Variants in USP46 observed in about 807,000 individuals in gnomAD.
USP46 encodes ubiquitin carboxyl-terminal hydrolase 46.
A neutral mutation model predicts 44.4 loss-of-function variants in USP46; 12 were observed. The observed-to-expected ratio is 0.27, with a 90% CI of 0.17 to 0.44. The LOEUF (loss-of-function observed/expected upper bound fraction) is 0.44, where lower values mean the gene tolerates loss of function less well. Ranked by LOEUF, USP46 falls within the 20% of genes least tolerant of loss-of-function variation. The probability of loss-of-function intolerance (pLI) is 1.00; values close to 1 mark genes in which losing one functional copy is unlikely to be tolerated. For synonymous variants in USP46, 155 were observed against 161.5 expected (o/e 0.96, Z 0.31); for missense variants, 248 against 444.8 (o/e 0.56, Z 3.98).
intron 5 of USP46, among the ~76,000 whole-genome samples, chr4:52,605,544 C>G (rs1460153353): frequency 6.6e-6 from 1 of 152,082 alleles, no homozygotes; most frequent in African/African-American, 2.4e-5. Context: ...ATGATTCTAC[C>G]ACTTACACAG....
chr4:52,592,195 G>C lies in USP46; in HGVS notation c.*5445C>G, dbSNP rs1344692959. ...ACTTGTCTTCTGAGACAAAAAACGAGTCCATAAGAGGGACCCAATCTGTGT... is the reference window on the plus strand; with the variant it reads ...ACTTGTCTTCTGAGACAAAAAACGACTCCATAAGAGGGACCCAATCTGTGT... On this transcript the variant is annotated 3_prime_UTR_variant, in exon 9 of 9. Coordinates refer to ENST00000441222, the MANE Select transcript of USP46 (RefSeq NM_022832.4). 6.6e-6 allele frequency: 1 copy of C among 152,078 alleles called. No homozygotes were observed. The highest frequency in any genetic ancestry group is 1.5e-5 in the Non-Finnish European group (1 of 68,016). 9.4% of individuals were successfully genotyped at this position (152,078 alleles called of 1,614,324 possible). A position where few individuals can be genotyped will look rare whatever the true frequency, so the allele number is the denominator to read the frequency against.
intron 4 of USP46, among the ~76,000 whole-genome samples, chr4:52,624,582 C>A (rs1397032659): frequency 6.6e-6 from 1 of 152,308 alleles, no homozygotes; most frequent in Admixed American, 6.5e-5. Flanking sequence ...CTAAAAACTT[C>A]TCCCTTTACA....
intron 1 of USP46, among the ~76,000 whole-genome samples, chr4:52,652,391 C>A (rs759368547): frequency 6.6e-6 from 1 of 152,124 alleles, no homozygotes; most frequent in Non-Finnish European, 1.5e-5. Flanking sequence ...CAGGTTTACA[C>A]CACAGAGAAA....
At chr4:52,633,002 GAAAGAAAGAAAGAAAGAAAGAAAGAA>G (rs1717970279) in intron 1 of USP46, among the ~76,000 whole-genome samples, 1 of 117,024 alleles carries the variant, frequency 8.5e-6, no homozygotes, top group Admixed American at 8.3e-5. Context: ...AAGAAAGAAA[GAAAGAAAGAAAGAAAGAAAGAAAGAA>G]AAAGAAAGGT....
At chr4:52,623,251 G>A (rs1403365572) in intron 4 of USP46, among the ~76,000 whole-genome samples, 1 of 152,108 alleles carries the variant, frequency 6.6e-6, no homozygotes, top group African/African-American at 2.4e-5. Context: ...GAAAAAGACT[G>A]AAAATCTGTC....
chr4:52,597,390 A>C lies in USP46; in HGVS notation c.*250T>G, dbSNP rs1276090829. The C allele has an allele frequency of 2.5e-6, 1 of 395,020 alleles. No homozygotes were observed. Among genetic ancestry groups the C allele is most frequent in the Non-Finnish European group, 4.5e-6 (1 of 221,532 alleles). 24.5% of individuals were successfully genotyped at this position (395,020 alleles called of 1,614,324 possible). A position where few individuals can be genotyped will look rare whatever the true frequency, so the allele number is the denominator to read the frequency against. On this transcript the variant is annotated 3_prime_UTR_variant, in exon 9 of 9. Transcript: ENST00000441222. The stretch of plus-strand genomic sequence containing the variant: ...TGGCATAGCTTTCACCCAGTCCTAA[A>C]ATTAGCAACCGTTATTCATATAAAT...
At chr4:52,632,984 G>T (rs75189933) in intron 1 of USP46, among the ~76,000 whole-genome samples, 8 of 52,536 alleles carry the variant, frequency 1.5e-4, no homozygotes, top group Non-Finnish European at 1.3e-4. Flanking sequence ...AAGAAAGAAA[G>T]AAAAGAAAAG....
rs370363019 is a variant in USP46, at chr4:52,620,983, CA to C, written c.561+5034del. Among the ~76,000 whole-genome samples the C allele has an allele frequency of 1.8e-3, 281 of 152,262 alleles. 1 individual carries two copies. Among genetic ancestry groups the C allele is most frequent in the African/African-American group, 6.3e-3 (260 of 41,554 alleles). On this transcript the variant is annotated intron_variant, in intron 4 of 8. Transcript: ENST00000441222. ...ATCATGCAACAACACAAATGAATCT[CA>C]CAAGGGATACTGAGCAAAAGGCAAA...
At chr4:52,615,498 C>G (rs941496899) in intron 4 of USP46, among the ~76,000 whole-genome samples, 25 of 151,866 alleles carry the variant, frequency 1.6e-4, no homozygotes, top group Non-Finnish European at 3.5e-4. Context: ...ATGGATAGCC[C>G]CCATAATAGA....
rs1436085064 is a variant in USP46 at position 52,594,704 on chromosome 4, C to G, written c.*2936G>C. ...AGAACATAGATCATTATTAGGCATG[C>G]CCATGAAATTAAGGGTATCCATGAA... is the stretch of plus-strand genomic sequence containing the variant. On this transcript the variant is annotated 3_prime_UTR_variant, in exon 9 of 9. Transcript: ENST00000441222. The G allele has an allele frequency of 6.6e-6, 1 of 152,130 alleles. No individual in the cohort carries two copies. The highest frequency in any genetic ancestry group is 1.9e-4 in the East Asian group (1 of 5,198). The allele number at this position is 152,130 out of a possible 1,614,324, so 9.4% of individuals were successfully genotyped here.
At chr4:52,602,707 T>C (rs1232478936) in intron 6 of USP46, among the ~76,000 whole-genome samples, 1 of 152,230 alleles carries the variant, frequency 6.6e-6, no homozygotes, top group African/African-American at 2.4e-5. Flanking sequence ...ATGTGGTGTT[T>C]CTGTGGCTAA....
chr4:52,629,209 T>A (rs1717712291), intron 2 of USP46, among the ~76,000 whole-genome samples: 1 of 152,236 alleles, frequency 6.6e-6, no homozygotes, highest in African/African-American at 2.4e-5. Flanking sequence ...AACATGACAT[T>A]TCTATGTATG....
At chr4:52,613,638 C>A (rs1717016182) in intron 4 of USP46, among the ~76,000 whole-genome samples, 2 of 151,352 alleles carry the variant, frequency 1.3e-5, no homozygotes, top group African/African-American at 2.4e-5. Context: ...AGGGGAATCA[C>A]TTGAACCCAG....
intron 5 of USP46, among the ~76,000 whole-genome samples, chr4:52,608,955 A>C (rs1436054388): frequency 6.6e-6 from 1 of 152,194 alleles, no homozygotes; most frequent in African/African-American, 2.4e-5. Context: ...AGACAAAAAT[A>C]ACCAAAAAGG....
chr4:52,651,091 CA>C lies in USP46; in HGVS notation c.36+8023del, dbSNP rs60601189. 504 of 59,342 alleles carry C rather than the reference CA, an allele frequency of 8.5e-3. 1 individual carries two copies. The highest frequency in any genetic ancestry group is 0.033 in the East Asian group (67 of 2,048). 3.7% of individuals were successfully genotyped at this position (59,342 alleles called of 1,614,324 possible). On this transcript the variant is annotated intron_variant, in intron 1 of 8. Coordinates refer to ENST00000441222, the MANE Select transcript of USP46 (RefSeq NM_022832.4). ...CTGGCAACAGAGTGAGACTCCATCTCAAAAAAAAAAAAAAAAAAGAAAGAAA... is the reference window on the plus strand; with the variant it reads ...CTGGCAACAGAGTGAGACTCCATCTCAAAAAAAAAAAAAAAAAGAAAGAAA...
intron 7 of USP46, among the ~76,000 whole-genome samples, chr4:52,599,001 T>C (rs528228337): frequency 1.7e-3 from 253 of 152,308 alleles, no homozygotes; most frequent in Non-Finnish European, 2.5e-3. Flanking sequence ...CCAGGCCCTA[T>C]TCTAGCTGTC....
At chr4:52,605,467 G>A (rs1716651083) in intron 5 of USP46, among the ~76,000 whole-genome samples, 1 of 152,154 alleles carries the variant, frequency 6.6e-6, no homozygotes. Context: ...GCATTTCCTT[G>A]TTCAGTGTCC....
intron 1 of USP46, among the ~76,000 whole-genome samples, chr4:52,650,380 A>G (rs1718710558): frequency 6.6e-6 from 1 of 152,240 alleles, no homozygotes; most frequent in Non-Finnish European, 1.5e-5. Flanking sequence ...CAAACGTTGC[A>G]ATCCATTGCT....
chr4:52,639,116 G>A (rs1718232878), intron 1 of USP46, among the ~76,000 whole-genome samples: 2 of 152,168 alleles, frequency 1.3e-5, no homozygotes, highest in Admixed American at 1.3e-4. Context: ...AAAGAACACA[G>A]ACATGATGGG....
Sources: gnomAD v4.1 joint callset for allele counts (sites outside exome capture counted in the v4.1 genomes callset) on GRCh38, gnomAD v4.1.1 for gene constraint, MANE v1.5 for transcripts, NCBI Gene and HGNC (gene_info 2026-07-23, HGNC 2026-07-21) for gene names.